LRRIQ3: variants seen among roughly 807,000 people sequenced by gnomAD.
The protein encoded by LRRIQ3 is leucine-rich repeat and IQ domain-containing protein 3.
A neutral mutation model predicts 59.3 loss-of-function variants in LRRIQ3; 75 were observed. The ratio of observed to expected loss-of-function variants is 1.26; its 90% confidence interval spans 1.05 to 1.53. The LOEUF (loss-of-function observed/expected upper bound fraction) is 1.53, where lower values mean the gene tolerates loss of function less well. Ranked by LOEUF, LRRIQ3 falls within the 40% of genes most tolerant of loss-of-function variation. The pLI is 0.00. For missense variants in LRRIQ3, 831 were observed against 710.0 expected, an observed-to-expected ratio of 1.17 and a Z score of -1.94; for synonymous variants, 250 against 231.3, an observed-to-expected ratio of 1.08 and a Z score of -0.73.
chr1:74,074,373 AAAT>A (rs1282985865), intron 6 of LRRIQ3, among the ~76,000 whole-genome samples: 5 of 152,270 alleles, frequency 3.3e-5, no homozygotes, highest in Admixed American at 2.0e-4. Flanking sequence ...ACAGATCAAG[AAAT>A]AATATTATCA....
intron 6 of LRRIQ3, among the ~76,000 whole-genome samples, chr1:74,069,742 T>C (rs970252252): frequency 5.3e-5 from 8 of 152,068 alleles, no homozygotes; most frequent in African/African-American, 1.7e-4. Context: ...CATGGAGACT[T>C]TGAACTTCAT....
At chr1:74,066,446 C>T (rs1212638132) in intron 6 of LRRIQ3, among the ~76,000 whole-genome samples, 4 of 152,110 alleles carry the variant, frequency 2.6e-5, no homozygotes, top group Admixed American at 6.6e-5. Flanking sequence ...ACAATAGACA[C>T]ATTTTTTGGT....
rs544398517 is a variant in LRRIQ3, at chr1:74,104,742, T to C, written c.867+4652A>G. ...AACAATTCTGTATACTACAATAGTT[T>C]ATACATACAATTATACATTTGACAA... On this transcript the variant is annotated intron_variant, in intron 5 of 7. Coordinates refer to ENST00000354431, the MANE Select transcript of LRRIQ3 (RefSeq NM_001105659.2). Among the ~76,000 whole-genome samples, 393 of 152,130 alleles carry C rather than the reference T, an allele frequency of 2.6e-3. 3 individuals are homozygous for C. Among genetic ancestry groups the C allele is most frequent in the South Asian group, 4.8e-3 (23 of 4,830 alleles).
chr1:74,174,189 C>T (rs1649499205), intron 3 of LRRIQ3, among the ~76,000 whole-genome samples: 1 of 150,688 alleles, frequency 6.6e-6, no homozygotes, highest in Non-Finnish European at 1.5e-5. Flanking sequence ...CTCATCAGTC[C>T]CATAGAGTTT....
At chr1:74,165,488 T>A (rs959245647) in intron 3 of LRRIQ3, among the ~76,000 whole-genome samples, 13 of 151,704 alleles carry the variant, frequency 8.6e-5, no homozygotes, top group Admixed American at 2.6e-4. Flanking sequence ...ATATTCTTTG[T>A]AGATTCTTGA....
intron 6 of LRRIQ3, among the ~76,000 whole-genome samples, chr1:74,058,485 CAT>C (rs1654603884): frequency 6.6e-6 from 1 of 152,024 alleles, no homozygotes; most frequent in Non-Finnish European, 1.5e-5. Flanking sequence ...ACAAATATTA[CAT>C]GTTATCTTGC....
intron 6 of LRRIQ3, among the ~76,000 whole-genome samples, chr1:74,059,200 A>T (rs1010917562): frequency 6.6e-6 from 1 of 151,678 alleles, no homozygotes; most frequent in Non-Finnish European, 1.5e-5. Flanking sequence ...TATTTTTTCA[A>T]CTTTGATGTG....
intron 5 of LRRIQ3, among the ~76,000 whole-genome samples, chr1:74,085,955 C>A (rs1284138662): frequency 1.3e-5 from 2 of 152,004 alleles, no homozygotes; most frequent in African/African-American, 4.8e-5. Context: ...GAGAAAAAAG[C>A]TGCTGGTAGA....
rs1570203521 is a variant in LRRIQ3, at chr1:74,145,295, AT to A, written c.707+10437del. On this transcript the variant is annotated intron_variant, in intron 4 of 7. Coordinates refer to ENST00000354431, the MANE Select transcript of LRRIQ3 (RefSeq NM_001105659.2). ...TATTCATGACAGCTGCAACAGAATA[AT>A]GGGGAGACAAGTAGCCAATAGTAAC... Among the ~76,000 whole-genome samples the A allele has an allele frequency of 2.0e-5, 3 of 152,282 alleles. 1 individual carries two copies. In the East Asian group the frequency reaches 5.8e-4, roughly 29 times the overall value.
chr1:74,158,627 C>T (rs1364246229), intron 3 of LRRIQ3, among the ~76,000 whole-genome samples: 6 of 152,022 alleles, frequency 3.9e-5, no homozygotes, highest in East Asian at 3.9e-4. Flanking sequence ...TTGTCACTCT[C>T]GACAATGTTG....
intron 5 of LRRIQ3, among the ~76,000 whole-genome samples, chr1:74,100,829 A>G (rs6682492): frequency 0.47 from 70,783 of 151,894 alleles, 18,134 homozygotes; most frequent in East Asian, 0.8. Context: ...TATTTAATAC[A>G]TGATGCTGGG....
At chr1:74,127,445 T>C (rs1021142555) in intron 4 of LRRIQ3, among the ~76,000 whole-genome samples, 1 of 151,942 alleles carries the variant, frequency 6.6e-6, no homozygotes, top group Non-Finnish European at 1.5e-5. Context: ...TTCCTTTTAG[T>C]GGTATGTTTT....
chr1:74,041,944 C>T lies in LRRIQ3; in HGVS notation c.998-11G>A, dbSNP rs1230538164. 1 of 1,575,438 alleles carries T rather than the reference C, an allele frequency of 6.3e-7. No homozygotes were observed. The highest frequency in any genetic ancestry group is 1.2e-5 in the South Asian group (1 of 85,326). ...CTTCAGACTCCTGACCTACATCAAA[C>T]AGAAGCAAATATTATACATTATACA... On this transcript the variant is annotated splice_polypyrimidine_tract_variant and intron_variant, in intron 6 of 7. Transcript: ENST00000354431.
chr1:74,045,802 T>C (rs1654184875), intron 6 of LRRIQ3, among the ~76,000 whole-genome samples: 2 of 152,094 alleles, frequency 1.3e-5, no homozygotes, highest in Admixed American at 1.3e-4. Context: ...ACACAAGTAC[T>C]CCTATATACC....
intron 6 of LRRIQ3, among the ~76,000 whole-genome samples, chr1:74,045,320 T>C (rs989129454): frequency 2.0e-5 from 3 of 152,096 alleles, no homozygotes; most frequent in African/African-American, 7.2e-5. Flanking sequence ...TGCAAATCAA[T>C]AAACATAATC....
At chr1:74,172,214 A>C (rs1570254264) in intron 3 of LRRIQ3, among the ~76,000 whole-genome samples, 1 of 152,058 alleles carries the variant, frequency 6.6e-6, no homozygotes, top group East Asian at 1.9e-4. Context: ...CTTTTTTAAA[A>C]TAGATTTCAC....
At chr1:74,112,166 C>G (rs1301585695) in intron 4 of LRRIQ3, among the ~76,000 whole-genome samples, 1 of 152,150 alleles carries the variant, frequency 6.6e-6, no homozygotes, top group African/African-American at 2.4e-5. Flanking sequence ...AAGTGAGCCA[C>G]TGCCTCCTCC....
chr1:74,050,475 G>A (rs1446600880), intron 6 of LRRIQ3: 39 of 971,148 alleles, frequency 4.0e-5, no homozygotes, highest in Non-Finnish European at 4.8e-5. Context: ...CAGATAGTTG[G>A]ATCTTTTAGG....
At chr1:74,122,900 G>A in intron 4 of LRRIQ3, among the ~76,000 whole-genome samples, 1 of 152,044 alleles carries the variant, frequency 6.6e-6, no homozygotes, top group Non-Finnish European at 1.5e-5. Context: ...GCAACCTACA[G>A]AATGGGAGAA....
Sources: gnomAD v4.1 joint callset for allele counts (sites outside exome capture counted in the v4.1 genomes callset) on GRCh38, gnomAD v4.1.1 for gene constraint, MANE v1.5 for transcripts, NCBI Gene and HGNC (gene_info 2026-07-23, HGNC 2026-07-21) for gene names.